CPNE4: variants seen among roughly 807,000 people sequenced by gnomAD.
CPNE4 encodes copine 4.
In CPNE4, 25 loss-of-function variants were observed where a neutral mutation model predicts 67.9. The ratio of observed to expected loss-of-function variants is 0.37; its 90% CI spans 0.27 to 0.51. The LOEUF is 0.51. Among genes scored for constraint, CPNE4 ranks in the 20% least tolerant of loss-of-function variants. The pLI, the probability that CPNE4 is intolerant of heterozygous loss-of-function variation, is 0.93. For missense variants in CPNE4, 464 were observed against 690.8 expected, an observed-to-expected ratio of 0.67 and a Z score of 3.68; for synonymous variants, 242 against 244.9, an observed-to-expected ratio of 0.99 and a Z score of 0.11.
intron 3 of CPNE4, among the ~76,000 whole-genome samples, chr3:131,704,460 A>C (rs1451503460): frequency 6.6e-6 from 1 of 152,168 alleles, no homozygotes; most frequent in African/African-American, 2.4e-5. Context: ...TCCCAGTGAA[A>C]TGAAGCTCCA....
At chr3:132,003,419 C>G (rs1175200066) in intron 1 of CPNE4, among the ~76,000 whole-genome samples, 1 of 152,084 alleles carries the variant, frequency 6.6e-6, no homozygotes, top group East Asian at 1.9e-4. Context: ...CCTCTGCTGA[C>G]CCCAGGACCT....
chr3:131,713,201 C>A (rs1429222725), intron 3 of CPNE4, among the ~76,000 whole-genome samples: 1 of 152,040 alleles, frequency 6.6e-6, no homozygotes, highest in Non-Finnish European at 1.5e-5. Flanking sequence ...CTCCTCTGCA[C>A]CAATATTGAG....
chr3:131,813,672 G>C (rs1267599741), intron 2 of CPNE4, among the ~76,000 whole-genome samples: 1 of 151,856 alleles, frequency 6.6e-6, no homozygotes, highest in Non-Finnish European at 1.5e-5. Flanking sequence ...CATTTTTTCA[G>C]TGGAAAAATA....
intron 7 of CPNE4, 121 bp downstream of exon 7, chr3:131,669,554 G>A: frequency 3.0e-6 from 2 of 676,504 alleles, no homozygotes; most frequent in Non-Finnish European, 4.9e-6. Context: ...GATGCTAAAA[G>A]ATGAGAGGGT....
chr3:131,879,376 T>A (rs2087580643), intron 2 of CPNE4, among the ~76,000 whole-genome samples: 3 of 152,214 alleles, frequency 2.0e-5, no homozygotes, highest in African/African-American at 7.2e-5. Flanking sequence ...TCTCAACACG[T>A]AAAAGAAGCC....
intron 2 of CPNE4, among the ~76,000 whole-genome samples, chr3:131,801,554 T>C (rs1039332527): frequency 1.4e-5 from 2 of 143,846 alleles, no homozygotes; most frequent in African/African-American, 5.1e-5. Context: ...ATAGAAACAA[T>C]AGTAGAATCA....
intron 1 of CPNE4, among the ~76,000 whole-genome samples, chr3:131,951,338 GT>G (rs63050661): frequency 0.08 from 12,090 of 152,054 alleles, 627 homozygotes; most frequent in Admixed American, 0.16. Flanking sequence ...TTATGTCAAT[GT>G]TTTATCTTGA....
At chr3:131,796,134 G>A (rs1194732221) in intron 2 of CPNE4, among the ~76,000 whole-genome samples, 3 of 151,962 alleles carry the variant, frequency 2.0e-5, no homozygotes, top group Non-Finnish European at 4.4e-5. Context: ...AATATCTTTG[G>A]CTAGAGGAGA....
intron 11 of CPNE4, among the ~76,000 whole-genome samples, chr3:131,558,458 T>C (rs141927010): frequency 1.0e-3 from 157 of 151,956 alleles, no homozygotes; most frequent in African/African-American, 3.5e-3. Flanking sequence ...AGACAGACAA[T>C]CTGGAAAATT....
intron 1 of CPNE4, among the ~76,000 whole-genome samples, chr3:132,023,677 C>T (rs2074053412): frequency 6.6e-6 from 1 of 152,020 alleles, no homozygotes; most frequent in South Asian, 2.1e-4. Context: ...TTAGTAGAGA[C>T]GGGGTTTCAC....
At chr3:131,801,385 ATG>A (rs1491128129) in intron 2 of CPNE4, among the ~76,000 whole-genome samples, 9 of 88,886 alleles carry the variant, frequency 1.0e-4, no homozygotes, top group Admixed American at 9.5e-4. Flanking sequence ...ATATATATAT[ATG>A]GTACATATAT....
At chr3:131,671,360 G>T (rs907104839) in intron 6 of CPNE4, among the ~76,000 whole-genome samples, 3 of 152,128 alleles carry the variant, frequency 2.0e-5, no homozygotes, top group Non-Finnish European at 4.4e-5. Context: ...ATGCTAAAAA[G>T]TGAAGAAGTC....
At chr3:131,764,128 C>G (rs2082952509) in intron 2 of CPNE4, among the ~76,000 whole-genome samples, 1 of 151,980 alleles carries the variant, frequency 6.6e-6, no homozygotes, top group Non-Finnish European at 1.5e-5. Flanking sequence ...AGCAATTGGA[C>G]TCCAAACTCA....
intron 2 of CPNE4, among the ~76,000 whole-genome samples, chr3:131,822,766 T>A (rs1177349773): frequency 1.3e-5 from 2 of 152,232 alleles, no homozygotes; most frequent in East Asian, 1.9e-4. Flanking sequence ...GTTTGTTTTT[T>A]AAGTACTTTC....
chr3:131,618,039 CA>C (rs1451539753), intron 7 of CPNE4, among the ~76,000 whole-genome samples: 8 of 152,112 alleles, frequency 5.3e-5, no homozygotes, highest in African/African-American at 1.9e-4. Flanking sequence ...CAGAAACTTA[CA>C]ATTTAGTGTG....
At chr3:131,836,991 T>C (rs1421129830) in intron 2 of CPNE4, among the ~76,000 whole-genome samples, 1 of 152,194 alleles carries the variant, frequency 6.6e-6, no homozygotes, top group Non-Finnish European at 1.5e-5. Flanking sequence ...TATCACTAGA[T>C]ATTAGGAATA....
chr3:131,570,736 A>G (rs1937295952), intron 10 of CPNE4, among the ~76,000 whole-genome samples: 1 of 152,048 alleles, frequency 6.6e-6, no homozygotes, highest in African/African-American at 2.4e-5. Flanking sequence ...CCAAAATTGC[A>G]TGCAAAACTG....
chr3:131,983,780 A>G (rs1349292490), intron 1 of CPNE4, among the ~76,000 whole-genome samples: 1 of 152,222 alleles, frequency 6.6e-6, no homozygotes, highest in Non-Finnish European at 1.5e-5. Context: ...AGAGTTTTCC[A>G]GGAGGAAACT....
chr3:131,685,516 G>A (rs950702251), intron 6 of CPNE4, among the ~76,000 whole-genome samples: 1 of 152,184 alleles, frequency 6.6e-6, no homozygotes, highest in Admixed American at 6.5e-5. Context: ...GGGCGCGGTG[G>A]CTCACGCCTG....
Sources: gnomAD v4.1 joint callset for allele counts (sites outside exome capture counted in the v4.1 genomes callset) on GRCh38, gnomAD v4.1.1 for gene constraint, MANE v1.5 for transcripts, NCBI Gene and HGNC (gene_info 2026-07-23, HGNC 2026-07-21) for gene names.